TPO: variants seen among roughly 807,000 people sequenced by gnomAD.
TPO encodes thyroid microsomal antigen.
In TPO, 78 loss-of-function variants were observed where a neutral mutation model predicts 96.9. The ratio of observed to expected loss-of-function variants is 0.81; its 90% CI spans 0.67 to 0.97. The LOEUF is 0.97. TPO is among the 50% of genes least tolerant of loss of function. The pLI is 0.00. For missense variants in TPO, 1,252 were observed against 1,274.8 expected (o/e 0.98, Z 0.27); for synonymous variants, 547 against 538.0 (o/e 1.02, Z -0.23).
chr2:1,493,774 G>C, intron 10 of TPO, 28 bp from the exon 11 acceptor site: 1 of 1,612,910 alleles, frequency 6.2e-7, no homozygotes, highest in Non-Finnish European at 8.5e-7. Context: ...TTCTGTGAGA[G>C]AAACCCTGCA....
At chr2:1,484,536 T>C in intron 8 of TPO, 60 bp from the exon 9 acceptor site, 1 of 1,611,520 alleles carries the variant, frequency 6.2e-7, no homozygotes, top group South Asian at 1.1e-5. Flanking sequence ...ACACTGCCGC[T>C]CGAGGCGACC....
intron 14 of TPO, among the ~76,000 whole-genome samples, chr2:1,507,982 T>G (rs1171754236): frequency 2.0e-5 from 3 of 152,290 alleles, no homozygotes; most frequent in African/African-American, 7.2e-5. Flanking sequence ...AGGGAATGCT[T>G]CCAGTTTTTG....
At chr2:1,429,302 A>G (rs1467786163) in intron 3 of TPO, among the ~76,000 whole-genome samples, 1 of 152,186 alleles carries the variant, frequency 6.6e-6, no homozygotes, top group African/African-American at 2.4e-5. Flanking sequence ...CCCTCACCAG[A>G]AGCCAGGCAG....
chr2:1,423,164 C>G, intron 3 of TPO, 35 bp downstream of exon 3: 3 of 1,599,686 alleles, frequency 1.9e-6, no homozygotes, highest in Non-Finnish European at 2.6e-6. Context: ...CCCCAAATGC[C>G]ACCGACAGGC....
chr2:1,378,374 A>G lies in TPO; in HGVS notation n.180+3972A>G, dbSNP rs545626861. Among the ~76,000 whole-genome samples, 10 of 152,310 alleles carry G rather than the reference A, an allele frequency of 6.6e-5. No homozygotes were observed. The East Asian group carries it at 1.4e-3, about 21-fold the overall frequency. On this transcript the variant is annotated intron_variant and non_coding_transcript_variant, in intron 1 of 5. Transcript: ENST00000497517. Reference sequence around the variant, plus strand: ...GGAGTGCAGGGCCTTCTCTGGCCACAGTCAGGAGCTGCTTTTTCCCAGGGC... The same window carrying G: ...GGAGTGCAGGGCCTTCTCTGGCCACGGTCAGGAGCTGCTTTTTCCCAGGGC...
intron 14 of TPO, among the ~76,000 whole-genome samples, chr2:1,507,958 G>C (rs1673658657): frequency 6.6e-6 from 1 of 152,164 alleles, no homozygotes; most frequent in Non-Finnish European, 1.5e-5. Context: ...TCCCTGTTTT[G>C]TGCCAGTTTT....
Position 1,505,601 on chromosome 2 carries a change from G to A in TPO, c.2518+1522G>A, listed in dbSNP as rs189569596. On this transcript the variant is annotated intron_variant, in intron 14 of 16. Transcript: ENST00000329066. ...CACCCCCACTCCTTTTGTTGTTGTT[G>A]TTGTTTGTTTTTATTTCTTCTAAAA... Among the ~76,000 whole-genome samples the A allele has an allele frequency of 1.6e-3, 233 of 149,442 alleles. 1 individual carries two copies. Among genetic ancestry groups the A allele is most frequent in the African/African-American group, 5.7e-3 (231 of 40,602 alleles).
chr2:1,422,032 C>T (rs1663604007), intron 2 of TPO, among the ~76,000 whole-genome samples: 1 of 152,214 alleles, frequency 6.6e-6, no homozygotes, highest in Admixed American at 6.5e-5. Flanking sequence ...CACCGGGGGG[C>T]TCTGTTCATT....
intron 14 of TPO, among the ~76,000 whole-genome samples, chr2:1,516,389 C>T (rs547431841): frequency 4.9e-4 from 75 of 152,344 alleles, no homozygotes; most frequent in African/African-American, 1.8e-3. Context: ...CACCTTCCTT[C>T]AACCACGGTT....
chr2:1,532,322 G>A (rs1281784114), intron 15 of TPO, among the ~76,000 whole-genome samples: 3 of 42,630 alleles, frequency 7.0e-5, no homozygotes, highest in Non-Finnish European at 1.2e-4. Flanking sequence ...CCCACTGTGC[G>A]CAACCTCCTC....
rs188692792 is a variant in TPO, at chr2:1,402,857, T to C, written n.180+28455T>C. ...CACATCCGAACCATATCACCCCATA[T>C]TTTGTACATCTTGAATTTGGAAACT... On this transcript the variant is annotated intron_variant and non_coding_transcript_variant, in intron 1 of 5. Coordinates refer to the TPO transcript ENST00000497517. Among the ~76,000 whole-genome samples the C allele has an allele frequency of 1.5e-4, 23 of 152,266 alleles. 1 individual carries two copies. In the East Asian group the frequency reaches 4.3e-3, roughly 28 times the overall value.
intron 5 of TPO, among the ~76,000 whole-genome samples, chr2:1,453,088 C>T (rs1573246334): frequency 6.6e-6 from 1 of 151,856 alleles, no homozygotes; most frequent in African/African-American, 2.4e-5. Flanking sequence ...AACTGACTCT[C>T]TCTCTCTCTC....
chr2:1,522,285 G>A (rs56316296), intron 15 of TPO, among the ~76,000 whole-genome samples: 7 of 24,854 alleles, frequency 2.8e-4, no homozygotes, highest in Admixed American at 2.6e-3. Context: ...ACCCCACACC[G>A]GCCCTGCCAC....
chr2:1,496,446 G>T (rs1391685413), intron 12 of TPO, 149 bp from the exon 13 acceptor site: 1 of 1,171,110 alleles, frequency 8.5e-7, no homozygotes, highest in African/African-American at 1.5e-5. Flanking sequence ...CGTGTGTGCT[G>T]CGTGGGTGCT....
chr2:1,489,601 G>T lies in TPO; in HGVS notation c.1768+1610G>T, dbSNP rs149212737. ...CTGTGTTTCAGGGCTGTGATCACTA[G>T]CACCCAGAACCGTCGACTGGCACAG... On this transcript the variant is annotated intron_variant, in intron 10 of 16. Transcript: ENST00000329066. 6.0e-3 allele frequency among the ~76,000 whole-genome samples: 910 copies of T among 152,296 alleles called. 4 individuals carry two copies. The highest frequency in any genetic ancestry group is 0.024 in the Middle Eastern group (7 of 294).
intron 2 of TPO, among the ~76,000 whole-genome samples, 191 bp from the exon 3 acceptor site, chr2:1,422,854 G>A (rs1332488850): frequency 6.6e-6 from 1 of 152,190 alleles, no homozygotes; most frequent in Non-Finnish European, 1.5e-5. Flanking sequence ...CGTGCAGTGG[G>A]GGTGGACGCC....
Position 1,443,907 on chromosome 2 carries a change from C to T in TPO, c.482+7523C>T, listed in dbSNP as rs535094735. On this transcript the variant is annotated intron_variant, in intron 5 of 16. Transcript: ENST00000329066. ...CCATGTTGGAAGGGAATGGGGCAGG[C>T]GCCTTCTTGTTTGTATGATCCAGTC... Among the ~76,000 whole-genome samples, 647 of 125,190 alleles carry T rather than the reference C, an allele frequency of 5.2e-3. 5 individuals carry two copies. Among genetic ancestry groups the T allele is most frequent in the African/African-American group, 0.02 (616 of 31,130 alleles). The allele number at this position is 125,190 out of a possible 152,430, so 82.1% of individuals were successfully genotyped here.
intron 3 of TPO, among the ~76,000 whole-genome samples, chr2:1,431,009 G>A (rs569341099): frequency 4.6e-5 from 7 of 152,290 alleles, no homozygotes; most frequent in African/African-American, 1.4e-4. Flanking sequence ...TTGCGAATGC[G>A]CAATTGTATT....
intron 9 of TPO, among the ~76,000 whole-genome samples, chr2:1,486,668 C>T (rs28911474): frequency 2.6e-5 from 4 of 152,096 alleles, no homozygotes; most frequent in African/African-American, 9.7e-5. Context: ...GATCCTATTC[C>T]CCCAATTAGT....
Sources: allele counts gnomAD v4.1 joint callset (sites outside exome capture counted in the v4.1 genomes callset), GRCh38; gene constraint gnomAD v4.1.1; transcripts MANE v1.5; gene names NCBI Gene and HGNC (gene_info 2026-07-23, HGNC 2026-07-21).